The following BCAS3 variants were observed in gnomAD, a reference collection of about 807,000 sequenced individuals.
BCAS3 encodes the protein BCAS3 microtubule associated cell migration factor.
A neutral mutation model predicts 116.1 loss-of-function variants in BCAS3; 53 were observed. That is an observed-to-expected ratio of 0.46 (90% confidence interval 0.37 to 0.57). BCAS3 has a LOEUF of 0.57. Among genes scored for constraint, BCAS3 ranks in the 20% least tolerant of loss-of-function variants. The probability of loss-of-function intolerance (pLI) is 0.00; values close to 1 mark genes in which losing one functional copy is unlikely to be tolerated. For synonymous variants in BCAS3, 391 were observed against 408.2 expected (o/e 0.96, Z 0.51); for missense variants, 917 against 1,165.4 (o/e 0.79, Z 3.10).
chr17:60,691,486 G>A (rs952985727), intron 4 of BCAS3, among the ~76,000 whole-genome samples: 1 of 152,040 alleles, frequency 6.6e-6, no homozygotes, highest in African/African-American at 2.4e-5. Flanking sequence ...TTTTCCTGAT[G>A]ATTAGTAATG....
intron 22 of BCAS3, among the ~76,000 whole-genome samples, chr17:61,094,088 C>T (rs1334043319): frequency 6.6e-6 from 1 of 152,122 alleles, no homozygotes; most frequent in East Asian, 1.9e-4. Flanking sequence ...AAACTGGTGG[C>T]CTGTTATCAT....
chr17:61,087,482 G>A lies in BCAS3; in HGVS notation c.2425+2918G>A, dbSNP rs557732442. 9 of 152,572 alleles carry A rather than the reference G, an allele frequency of 5.9e-5. No individual in the cohort carries two copies. The highest frequency in any genetic ancestry group is 5.2e-4 in the Admixed American group (8 of 15,304). 9.5% of individuals were successfully genotyped at this position (152,572 alleles called of 1,614,324 possible). A position where few individuals can be genotyped will look rare whatever the true frequency, so the allele number is the denominator to read the frequency against. ...ATTAAATCCTTTGACAATTATAACAGTTTTTAAAGTGAAAATATTTTATTT... is the reference window on the plus strand; with the variant it reads ...ATTAAATCCTTTGACAATTATAACAATTTTTAAAGTGAAAATATTTTATTT... On this transcript the variant is annotated intron_variant, in intron 22 of 23. Coordinates refer to ENST00000407086, the MANE Select transcript of BCAS3 (RefSeq NM_017679.5). The surrounding 1 kb of genome is among the most constrained non-coding windows in gnomAD (Gnocchi z 4.6).
chr17:60,745,973 T>A (rs545332832), intron 5 of BCAS3, among the ~76,000 whole-genome samples: 1 of 152,284 alleles, frequency 6.6e-6, no homozygotes, highest in East Asian at 1.9e-4. Flanking sequence ...TGTAGATTTA[T>A]AGTAATATTG....
intron 14 of BCAS3, among the ~76,000 whole-genome samples, chr17:60,979,152 A>G (rs2062622745): frequency 1.3e-5 from 2 of 151,342 alleles, no homozygotes; most frequent in East Asian, 2.0e-4. Flanking sequence ...ATGTTCTTCC[A>G]TTTGTTTGTA....
chr17:60,681,729 C>CAT (rs1177373163), intron 2 of BCAS3, among the ~76,000 whole-genome samples: 20 of 147,400 alleles, frequency 1.4e-4, no homozygotes, highest in Non-Finnish European at 2.4e-4. Flanking sequence ...TTTTTGTATA[C>CAT]ATATATATAT....
At chr17:60,938,711 A>AAGAC (rs1555623693) in intron 13 of BCAS3, among the ~76,000 whole-genome samples, 1 of 146,570 alleles carries the variant, frequency 6.8e-6, no homozygotes, top group African/African-American at 2.5e-5. Flanking sequence ...TTTCTGATAG[A>AAGAC]AGATAGATAG....
chr17:61,182,255 G>A (rs1340862016), intron 22 of BCAS3, among the ~76,000 whole-genome samples: 4 of 152,154 alleles, frequency 2.6e-5, no homozygotes, highest in Non-Finnish European at 5.9e-5. Context: ...CACCATTTTT[G>A]AGAGGCATCT....
At chr17:61,112,745 C>T (rs1399715879) in intron 22 of BCAS3, among the ~76,000 whole-genome samples, 1 of 151,186 alleles carries the variant, frequency 6.6e-6, no homozygotes, top group Non-Finnish European at 1.5e-5. Flanking sequence ...ACCTAATAGA[C>T]ATCTACAGAA....
At chr17:61,284,230 A>G (rs543566632) in intron 22 of BCAS3, among the ~76,000 whole-genome samples, 1 of 152,030 alleles carries the variant, frequency 6.6e-6, no homozygotes, top group Non-Finnish European at 1.5e-5. Flanking sequence ...CACCTCCCCC[A>G]CCCACACCAG....
Position 61,214,368 on chromosome 17 carries a change from A to AAAATAAATAAATAAATAAATAAAT in BCAS3, c.2425+129810_2425+129833dup, listed in dbSNP as rs35597487. Among the ~76,000 whole-genome samples the AAAATAAATAAATAAATAAATAAAT allele has an allele frequency of 2.0e-5, 3 of 150,178 alleles. No homozygotes were observed. The highest frequency in any genetic ancestry group is 7.5e-5 in the African/African-American group (3 of 40,090). The stretch of plus-strand genomic sequence containing the variant: ...GGCCACAGAGCAAGACCCTATCTCA[A>AAAATAAATAAATAAATAAATAAAT]AAATAAATAAATAAATAAATAAATA... On this transcript the variant is annotated intron_variant, in intron 22 of 23. Transcript: ENST00000407086. The surrounding 1 kb of genome is among the most constrained non-coding windows in gnomAD (Gnocchi z 4.4).
At chr17:61,108,724 A>C (rs757157473) in intron 22 of BCAS3, among the ~76,000 whole-genome samples, 19 of 151,222 alleles carry the variant, frequency 1.3e-4, no homozygotes, top group African/African-American at 4.1e-4. Context: ...AGCAGTGTAC[A>C]CTGTATCCAA....
At chr17:60,968,821 A>T (rs146241876) in intron 14 of BCAS3, among the ~76,000 whole-genome samples, 96 of 152,146 alleles carry the variant, frequency 6.3e-4, no homozygotes, top group Non-Finnish European at 1.2e-3. Context: ...TAGGGATGGT[A>T]GTCTAGCCTC....
At chr17:60,931,926 A>G (rs578111400) in intron 13 of BCAS3, among the ~76,000 whole-genome samples, 103 of 152,232 alleles carry the variant, frequency 6.8e-4, no homozygotes, top group African/African-American at 2.2e-3. Flanking sequence ...TACAAAAATT[A>G]GCTGGGTGTA....
chr17:60,875,643 C>T (rs1004112636), intron 9 of BCAS3, among the ~76,000 whole-genome samples: 1 of 151,900 alleles, frequency 6.6e-6, no homozygotes, highest in Non-Finnish European at 1.5e-5. Flanking sequence ...TGTTTTTAGT[C>T]ATCTTAAAAT....
At chr17:60,968,222 T>TTTGA (rs2061762127) in intron 14 of BCAS3, among the ~76,000 whole-genome samples, 5 of 152,284 alleles carry the variant, frequency 3.3e-5, no homozygotes, top group Admixed American at 1.3e-4. Context: ...GTGCATTTTT[T>TTTGA]TTAATCCTTT....
Position 61,122,188 on chromosome 17 carries a change from G to C in BCAS3, c.2425+37624G>C, listed in dbSNP as rs1035381444. On this transcript the variant is annotated intron_variant, in intron 22 of 23. Coordinates refer to ENST00000407086, the MANE Select transcript of BCAS3 (RefSeq NM_017679.5). The surrounding 1 kb of genome is among the most constrained non-coding windows in gnomAD (Gnocchi z 4.6). ...TAATCACAACTAAAATCATACACATGCATCTTCCAGTGACGCATTTGAAAT... is the reference window on the plus strand; with the variant it reads ...TAATCACAACTAAAATCATACACATCCATCTTCCAGTGACGCATTTGAAAT... 6.6e-6 allele frequency among the ~76,000 whole-genome samples: 1 copy of C among 152,142 alleles called. No individual in the cohort carries two copies. The highest frequency in any genetic ancestry group is 1.5e-5 in the Non-Finnish European group (1 of 68,018).
chr17:61,019,377 C>T lies in BCAS3; in HGVS notation c.1637+3476C>T, dbSNP rs2065721141. The stretch of plus-strand genomic sequence containing the variant: ...TGGGGATCGCTCCTTAAGCCACTCT[C>T]TGAAGAGTTTGTTGATTATACCTGG... On this transcript the variant is annotated intron_variant, in intron 16 of 23. Coordinates refer to ENST00000407086, the MANE Select transcript of BCAS3 (RefSeq NM_017679.5). This position sits in a 1 kb window ranked among gnomAD's most constrained non-coding sequence, Gnocchi z 5.6. Among the ~76,000 whole-genome samples, 1 of 152,174 alleles carries T rather than the reference C, an allele frequency of 6.6e-6. No individual in the cohort carries two copies. The highest frequency in any genetic ancestry group is 1.5e-5 in the Non-Finnish European group (1 of 68,026).
In BCAS3 at chr17:60,802,295, A is replaced by AAAATATAT. The variant is rs1299403402; in HGVS notation, c.404-5708_404-5707insAATATATA. On this transcript the variant is annotated intron_variant, in intron 6 of 23. Transcript: ENST00000407086. ...TGAGACTCTGTCTCAAAAAAAAAAA[A>AAAATATAT]ATATATATATATATATATATATGCA... Among the ~76,000 whole-genome samples, 244 of 127,904 alleles carry AAAATATAT rather than the reference A, an allele frequency of 1.9e-3. 1 individual carries two copies. Among genetic ancestry groups the AAAATATAT allele is most frequent in the African/African-American group, 8.3e-3 (229 of 27,492 alleles). The allele number at this position is 127,904 out of a possible 152,430, so 83.9% of individuals were successfully genotyped here.
intron 22 of BCAS3, among the ~76,000 whole-genome samples, chr17:61,277,105 A>C (rs1460197104): frequency 6.6e-6 from 1 of 151,212 alleles, no homozygotes; most frequent in African/African-American, 2.4e-5. Flanking sequence ...TCTTATAGGA[A>C]AAAAAAAATT....
Sources: allele counts gnomAD v4.1 joint callset (sites outside exome capture counted in the v4.1 genomes callset), GRCh38; gene constraint gnomAD v4.1.1; non-coding constraint Gnocchi (gnomAD v3.1); transcripts MANE v1.5; gene names NCBI Gene and HGNC (gene_info 2026-07-23, HGNC 2026-07-21).